CERS6: variants seen among roughly 807,000 people sequenced by gnomAD.
CERS6 encodes the protein LAG1 homolog, ceramide synthase 6.
In CERS6, 26 loss-of-function variants were observed where a neutral mutation model predicts 56.8. That is an observed-to-expected ratio of 0.46 (90% confidence interval 0.34 to 0.63). The LOEUF is 0.63. Ranked by LOEUF, CERS6 falls within the 30% of genes least tolerant of loss-of-function variation. CERS6 has a pLI of 0.01. For synonymous variants in CERS6, 164 were observed against 173.3 expected (o/e 0.95, Z 0.42); for missense variants, 415 against 467.5 (o/e 0.89, Z 1.04).
chr2:168,653,948 T>C (rs1559037823), intron 4 of CERS6, among the ~76,000 whole-genome samples: 1 of 152,186 alleles, frequency 6.6e-6, no homozygotes, highest in Non-Finnish European at 1.5e-5. Context: ...TGATGCTGAT[T>C]ATCAGCCATT....
chr2:168,536,470 CAGTG>C (rs79804755), intron 1 of CERS6, among the ~76,000 whole-genome samples: 3,093 of 152,238 alleles, frequency 0.02, 117 homozygotes, highest in East Asian at 0.18. Context: ...GTCACACACA[CAGTG>C]AGATGATAGA....
intron 2 of CERS6, among the ~76,000 whole-genome samples, chr2:168,552,997 C>G (rs1051510528): frequency 6.6e-6 from 1 of 151,730 alleles, no homozygotes; most frequent in East Asian, 1.9e-4. Flanking sequence ...AGGAAGATCA[C>G]AGAGGAAATA....
chr2:168,605,148 G>A (rs1332284798), intron 3 of CERS6, among the ~76,000 whole-genome samples: 1 of 152,196 alleles, frequency 6.6e-6, no homozygotes, highest in Non-Finnish European at 1.5e-5. Flanking sequence ...CCAAACTGAT[G>A]AAGTCTCAGA....
intron 1 of CERS6, among the ~76,000 whole-genome samples, chr2:168,520,632 A>G (rs951031393): frequency 1.4e-5 from 1 of 69,490 alleles, no homozygotes; most frequent in African/African-American, 5.1e-5. Context: ...TTTTTTGAGA[A>G]GCAGTTTCAC....
chr2:168,478,842 C>T (rs963654462), intron 1 of CERS6, among the ~76,000 whole-genome samples: 1 of 152,108 alleles, frequency 6.6e-6, no homozygotes, highest in Non-Finnish European at 1.5e-5. Context: ...TCTTTAGTGA[C>T]TTAGGTCTCA....
At chr2:168,484,683 G>GT (rs910332481) in intron 1 of CERS6, among the ~76,000 whole-genome samples, 9 of 152,238 alleles carry the variant, frequency 5.9e-5, no homozygotes, top group Admixed American at 4.6e-4. Context: ...GTGTTTTAAC[G>GT]TAAGTATGTA....
At chr2:168,612,038 A>G (rs2105274473) in intron 3 of CERS6, among the ~76,000 whole-genome samples, 1 of 152,330 alleles carries the variant, frequency 6.6e-6, no homozygotes, top group Middle Eastern at 3.4e-3. Context: ...AAAAATAGTA[A>G]TGATAGTTAA....
chr2:168,522,904 T>G (rs10930328), intron 1 of CERS6, among the ~76,000 whole-genome samples: 26,699 of 152,116 alleles, frequency 0.18, 2,717 homozygotes, highest in Middle Eastern at 0.23. Flanking sequence ...ACAAGAACTT[T>G]TGTGTGTTTT....
At chr2:168,597,315 A>G (rs1559013880) in intron 3 of CERS6, among the ~76,000 whole-genome samples, 2 of 152,302 alleles carry the variant, frequency 1.3e-5, no homozygotes, top group South Asian at 4.1e-4. Flanking sequence ...GCACCCTCTA[A>G]CAACCTCTGC....
intron 9 of CERS6, among the ~76,000 whole-genome samples, chr2:168,767,957 TACTC>T (rs1684763296): frequency 6.6e-6 from 1 of 152,214 alleles, no homozygotes; most frequent in African/African-American, 2.4e-5. Context: ...AGTGATGAGT[TACTC>T]AAGAATCTTA....
At chr2:168,745,409 T>C (rs903849283) in intron 8 of CERS6, among the ~76,000 whole-genome samples, 6 of 152,068 alleles carry the variant, frequency 3.9e-5, no homozygotes, top group East Asian at 1.9e-4. Flanking sequence ...GCCTAGCTAA[T>C]TTTTTGTATT....
chr2:168,487,085 C>T (rs554643809), intron 1 of CERS6, among the ~76,000 whole-genome samples: 1 of 152,188 alleles, frequency 6.6e-6, no homozygotes, highest in African/African-American at 2.4e-5. Flanking sequence ...TTCCTCTTAC[C>T]TGCAGCAGAA....
At chr2:168,731,640 A>G (rs1370115028) in intron 8 of CERS6, among the ~76,000 whole-genome samples, 1 of 152,050 alleles carries the variant, frequency 6.6e-6, no homozygotes, top group African/African-American at 2.4e-5. Context: ...GGGGTGGGGA[A>G]TTATCTTGCC....
At chr2:168,641,672 G>A (rs958913051) in intron 4 of CERS6, among the ~76,000 whole-genome samples, 7 of 152,178 alleles carry the variant, frequency 4.6e-5, no homozygotes, top group East Asian at 1.9e-4. Flanking sequence ...ACCTTGTTTC[G>A]TCCCTGAGCC....
intron 3 of CERS6, among the ~76,000 whole-genome samples, chr2:168,593,915 T>C (rs926063667): frequency 6.6e-6 from 1 of 152,248 alleles, no homozygotes; most frequent in African/African-American, 2.4e-5. Flanking sequence ...ACCATGACCA[T>C]GAATACTCTG....
At chr2:168,720,452 A>G (rs1383713549) in intron 8 of CERS6, among the ~76,000 whole-genome samples, 1 of 152,140 alleles carries the variant, frequency 6.6e-6, no homozygotes, top group East Asian at 1.9e-4. Flanking sequence ...CAGATTCGAC[A>G]CATTTTCTGG....
intron 4 of CERS6, among the ~76,000 whole-genome samples, chr2:168,645,111 AAAAAAAT>A (rs1685148406): frequency 1.5e-4 from 9 of 59,414 alleles, no homozygotes; most frequent in Admixed American, 1.4e-3. Context: ...AAAAAAAAAA[AAAAAAAT>A]ATATATATAT....
At chr2:168,695,114 G>A (rs1686612438) in intron 6 of CERS6, 63 bp downstream of exon 6, 1 of 1,323,124 alleles carries the variant, frequency 7.6e-7, no homozygotes, top group Non-Finnish European at 1.1e-6. Context: ...TTAGCAGGTG[G>A]GTTTAGACTC....
chr2:168,676,012 T>A (rs529557645), intron 4 of CERS6, among the ~76,000 whole-genome samples: 3 of 152,294 alleles, frequency 2.0e-5, no homozygotes, highest in Admixed American at 2.0e-4. Flanking sequence ...AAACAAAAAA[T>A]CAGAGATTTT....
Sources: gnomAD v4.1 joint callset for allele counts (sites outside exome capture counted in the v4.1 genomes callset) on GRCh38, gnomAD v4.1.1 for gene constraint, MANE v1.5 for transcripts, NCBI Gene and HGNC (gene_info 2026-07-23, HGNC 2026-07-21) for gene names.